Variants in L3MBTL4 observed in about 807,000 individuals in gnomAD.
L3MBTL4 encodes L3MBTL histone methyl-lysine binding protein 4.
In L3MBTL4, 70 loss-of-function variants were observed where a neutral mutation model predicts 84.5. The ratio of observed to expected loss-of-function variants is 0.83; its 90% CI spans 0.68 to 1.01. The LOEUF is 1.01. Among genes scored for constraint, L3MBTL4 ranks in the 50% least tolerant of loss-of-function variants. L3MBTL4 has a pLI of 0.00. For missense variants in L3MBTL4, 715 were observed against 754.8 expected, an observed-to-expected ratio of 0.95 and a Z score of 0.62; for synonymous variants, 274 against 259.8, an observed-to-expected ratio of 1.05 and a Z score of -0.52.
At chr18:6,134,589 G>A (rs1377879638) in intron 14 of L3MBTL4, among the ~76,000 whole-genome samples, 1 of 152,082 alleles carries the variant, frequency 6.6e-6, no homozygotes, top group African/African-American at 2.4e-5. Flanking sequence ...CAAAACAAAG[G>A]GGTTACAGGG....
At chr18:6,232,591 T>C (rs2047042587) in intron 10 of L3MBTL4, among the ~76,000 whole-genome samples, 2 of 152,092 alleles carry the variant, frequency 1.3e-5, no homozygotes, top group East Asian at 3.9e-4. Flanking sequence ...ATAAATATGA[T>C]TTATTGCATA....
At chr18:6,396,835 C>A (rs938290350) in intron 1 of L3MBTL4, 3 of 152,188 alleles carry the variant, frequency 2.0e-5, no homozygotes, top group Admixed American at 1.3e-4. Flanking sequence ...GTCATTTGAT[C>A]TTCAAAACAA....
chr18:6,007,963 A>G (rs2054567524), intron 16 of L3MBTL4, among the ~76,000 whole-genome samples: 1 of 152,232 alleles, frequency 6.6e-6, no homozygotes, highest in African/African-American at 2.4e-5. Context: ...TCAAGGATAC[A>G]TGAGACTTTT....
chr18:6,343,403 C>T (rs983608125), intron 1 of L3MBTL4, among the ~76,000 whole-genome samples: 1 of 152,120 alleles, frequency 6.6e-6, no homozygotes, highest in African/African-American at 2.4e-5. Flanking sequence ...GTGGCTCATG[C>T]CTGTAATCCC....
intron 16 of L3MBTL4, among the ~76,000 whole-genome samples, chr18:6,001,314 C>A (rs1484815974): frequency 6.6e-6 from 1 of 152,196 alleles, no homozygotes. Context: ...TAAGGATTAG[C>A]ACATTTAAAA....
intron 11 of L3MBTL4, 130 bp from the exon 12 acceptor site, chr18:6,213,389 T>C (rs1014598482): frequency 1.4e-5 from 8 of 576,716 alleles, no homozygotes; most frequent in Non-Finnish European, 2.5e-5. Context: ...AATTTAGTGT[T>C]TTTTGTTTTG....
chr18:6,376,316 G>A (rs1444356678), intron 1 of L3MBTL4, among the ~76,000 whole-genome samples: 2 of 152,168 alleles, frequency 1.3e-5, no homozygotes, highest in Non-Finnish European at 2.9e-5. Flanking sequence ...ATTATCCACA[G>A]TAGCACCCCC....
intron 1 of L3MBTL4, among the ~76,000 whole-genome samples, chr18:6,313,762 T>A (rs2050949891): frequency 6.6e-6 from 1 of 152,200 alleles, no homozygotes; most frequent in Admixed American, 6.5e-5. Flanking sequence ...TCCCTGCAAT[T>A]ATCTCAATAA....
At chr18:6,071,760 A>AG (rs1568066565) in intron 16 of L3MBTL4, among the ~76,000 whole-genome samples, 19 of 77,958 alleles carry the variant, frequency 2.4e-4, no homozygotes, top group East Asian at 2.1e-3. Context: ...AAAGAAAGAA[A>AG]AAAAGAAAGA....
intron 1 of L3MBTL4, chr18:6,395,312 C>G (rs1333036135): frequency 6.6e-6 from 1 of 152,214 alleles, no homozygotes; most frequent in Non-Finnish European, 1.5e-5. Context: ...TCTCCCATCA[C>G]ACAGCAGCAG....
intron 13 of L3MBTL4, among the ~76,000 whole-genome samples, chr18:6,153,754 T>C (rs997234308): frequency 1.3e-5 from 2 of 152,194 alleles, no homozygotes; most frequent in Non-Finnish European, 1.5e-5. Flanking sequence ...TCATGAGATC[T>C]GGTGGTTTTA....
At chr18:6,214,621 C>T (rs1182597709) in intron 11 of L3MBTL4, among the ~76,000 whole-genome samples, 2 of 152,172 alleles carry the variant, frequency 1.3e-5, no homozygotes, top group African/African-American at 4.8e-5. Context: ...TTTGTAGAAA[C>T]ACATTTTCTT....
chr18:6,333,868 G>A (rs341187), intron 1 of L3MBTL4, among the ~76,000 whole-genome samples: 17,810 of 152,110 alleles, frequency 0.12, 1,911 homozygotes, highest in African/African-American at 0.28. Flanking sequence ...TAAGTGCACT[G>A]AACTCATCCT....
intron 5 of L3MBTL4, chr18:6,260,407 C>T (rs1212833524): frequency 2.6e-5 from 4 of 152,150 alleles, no homozygotes; most frequent in Non-Finnish European, 5.9e-5. Context: ...ATTCTTCCCA[C>T]CCATGAGCAT....
At chr18:5,980,352 G>C (rs141188999) in intron 16 of L3MBTL4, among the ~76,000 whole-genome samples, 49 of 151,660 alleles carry the variant, frequency 3.2e-4, no homozygotes, top group Admixed American at 6.6e-4. Context: ...GTGAAACAAA[G>C]CATCCCCGTC....
intron 1 of L3MBTL4, among the ~76,000 whole-genome samples, chr18:6,341,749 T>C (rs1336005742): frequency 1.3e-5 from 2 of 151,406 alleles, no homozygotes; most frequent in Non-Finnish European, 2.9e-5. Flanking sequence ...ACAGAAAACT[T>C]CCCAAATCTT....
chr18:6,308,286 A>G (rs1208736953), intron 3 of L3MBTL4, among the ~76,000 whole-genome samples: 1 of 152,190 alleles, frequency 6.6e-6, no homozygotes, highest in Non-Finnish European at 1.5e-5. Context: ...AAGATGTAAA[A>G]CATATAACAA....
intron 1 of L3MBTL4, among the ~76,000 whole-genome samples, chr18:6,337,375 A>G (rs897113692): frequency 2.6e-5 from 4 of 152,178 alleles, no homozygotes; most frequent in Non-Finnish European, 5.9e-5. Flanking sequence ...GTTCAGGAGA[A>G]GAATGGATAA....
At chr18:6,159,269 A>T (rs1728093262) in intron 13 of L3MBTL4, among the ~76,000 whole-genome samples, 1 of 152,138 alleles carries the variant, frequency 6.6e-6, no homozygotes, top group Admixed American at 6.5e-5. Context: ...CTGTTCAGAG[A>T]CGGGATAACC....
Sources: gnomAD v4.1 joint callset for allele counts (sites outside exome capture counted in the v4.1 genomes callset) on GRCh38, gnomAD v4.1.1 for gene constraint, MANE v1.5 for transcripts, NCBI Gene and HGNC (gene_info 2026-07-23, HGNC 2026-07-21) for gene names.